Variants in ARHGAP15 observed in about 807,000 individuals in gnomAD.
ARHGAP15 encodes Rho GTPase activating protein 15, also known as rho GTPase-activating protein 15.
In ARHGAP15, 51 loss-of-function variants were observed where a neutral mutation model predicts 63.7. The ratio of observed to expected loss-of-function variants is 0.80; its 90% CI spans 0.64 to 1.01. The LOEUF (loss-of-function observed/expected upper bound fraction) is 1.01, where lower values mean the gene tolerates loss of function less well. ARHGAP15 is among the 50% of genes least tolerant of loss of function. ARHGAP15 has a pLI of 0.00. For synonymous variants in ARHGAP15, 191 were observed against 193.8 expected, an observed-to-expected ratio of 0.99 and a Z score of 0.12; for missense variants, 560 against 564.6, an observed-to-expected ratio of 0.99 and a Z score of 0.08.
At chr2:143,564,961 TA>T (rs1333153560) in intron 11 of ARHGAP15, among the ~76,000 whole-genome samples, 1 of 152,004 alleles carries the variant, frequency 6.6e-6, no homozygotes, top group Non-Finnish European at 1.5e-5. Context: ...TAGGAGCATT[TA>T]ATTGAGAATC....
intron 6 of ARHGAP15, among the ~76,000 whole-genome samples, chr2:143,288,132 G>T (rs1179195070): frequency 1.3e-5 from 2 of 152,180 alleles, no homozygotes; most frequent in African/African-American, 4.8e-5. Flanking sequence ...GGGAAAAAGT[G>T]CCATGTGATT....
At chr2:143,290,741 T>TG (rs1682354809) in intron 6 of ARHGAP15, among the ~76,000 whole-genome samples, 1 of 152,104 alleles carries the variant, frequency 6.6e-6, no homozygotes, top group African/African-American at 2.4e-5. Flanking sequence ...CTGAACTGTT[T>TG]GGGGTAATCA....
chr2:143,263,293 C>A (rs901840945), intron 6 of ARHGAP15, among the ~76,000 whole-genome samples: 1 of 152,124 alleles, frequency 6.6e-6, no homozygotes, highest in African/African-American at 2.4e-5. Flanking sequence ...TCTTAAAGAT[C>A]TGGAATGGTA....
intron 6 of ARHGAP15, among the ~76,000 whole-genome samples, chr2:143,433,448 C>T (rs1254149995): frequency 6.6e-6 from 1 of 152,086 alleles, no homozygotes; most frequent in Non-Finnish European, 1.5e-5. Flanking sequence ...TCATATAGCT[C>T]TCTGATCTAG....
At chr2:143,756,436 T>A (rs928088904) in intron 13 of ARHGAP15, among the ~76,000 whole-genome samples, 26 of 152,152 alleles carry the variant, frequency 1.7e-4, no homozygotes, top group African/African-American at 5.6e-4. Context: ...GTCTTATAAT[T>A]TTTTTATTGC....
chr2:143,429,344 G>A (rs1558965560), intron 6 of ARHGAP15, among the ~76,000 whole-genome samples: 1 of 151,152 alleles, frequency 6.6e-6, no homozygotes, highest in Non-Finnish European at 1.5e-5. Flanking sequence ...ATTTTATTAT[G>A]CAGAACAAAT....
intron 4 of ARHGAP15, among the ~76,000 whole-genome samples, chr2:143,218,848 C>T (rs1025832004): frequency 6.6e-6 from 1 of 152,064 alleles, no homozygotes; most frequent in Non-Finnish European, 1.5e-5. Context: ...GTGATTGTAA[C>T]ATAATGGTAT....
intron 2 of ARHGAP15, among the ~76,000 whole-genome samples, chr2:143,180,086 A>G (rs1182267300): frequency 6.6e-6 from 1 of 152,182 alleles, no homozygotes; most frequent in Non-Finnish European, 1.5e-5. Context: ...ATAAGTCCAC[A>G]GTGAAGTTTA....
At chr2:143,657,782 TCTCTCCCCTC>T (rs1051428731) in intron 12 of ARHGAP15, among the ~76,000 whole-genome samples, 2 of 152,226 alleles carry the variant, frequency 1.3e-5, no homozygotes, top group African/African-American at 4.8e-5. Flanking sequence ...CATGTCACAG[TCTCTCCCCTC>T]CTGATTTGAT....
chr2:143,559,493 T>G (rs1316398663), intron 11 of ARHGAP15, among the ~76,000 whole-genome samples: 1 of 152,242 alleles, frequency 6.6e-6, no homozygotes, highest in Non-Finnish European at 1.5e-5. Context: ...TATGCTACAT[T>G]AGGACCTTTG....
At chr2:143,469,995 T>C (rs1691440525) in intron 8 of ARHGAP15, among the ~76,000 whole-genome samples, 1 of 151,948 alleles carries the variant, frequency 6.6e-6, no homozygotes, top group Non-Finnish European at 1.5e-5. Context: ...AATTGTCAGA[T>C]ACAGAGAATT....
rs774975814 is a variant in ARHGAP15, at chr2:143,767,973, TTC to T, written c.1245-7_1245-6del. Reference sequence around the variant, plus strand: ...CAAACTCCAGTGAAATTATTTTTTTTTCTCTCTCTCCACAGGATAGTGGCCAA... The same window carrying T: ...CAAACTCCAGTGAAATTATTTTTTTTTCTCTCTCCACAGGATAGTGGCCAA... On this transcript the variant is annotated splice_polypyrimidine_tract_variant and intron_variant, in intron 13 of 13. Coordinates refer to ENST00000295095, the MANE Select transcript of ARHGAP15 (RefSeq NM_018460.4). 4 of 1,601,254 alleles carry T rather than the reference TTC, an allele frequency of 2.5e-6. No homozygotes were observed. Among genetic ancestry groups the T allele is most frequent in the Non-Finnish European group, 3.4e-6 (4 of 1,174,232 alleles).
At chr2:143,156,468 G>T (rs368477857) in intron 2 of ARHGAP15, among the ~76,000 whole-genome samples, 14 of 151,880 alleles carry the variant, frequency 9.2e-5, no homozygotes, top group East Asian at 5.8e-4. Flanking sequence ...GCTGGGGACA[G>T]GCTGAGTTCC....
intron 9 of ARHGAP15, among the ~76,000 whole-genome samples, chr2:143,498,190 G>A (rs1387722902): frequency 6.6e-6 from 1 of 151,986 alleles, no homozygotes; most frequent in African/African-American, 2.4e-5. Flanking sequence ...TTTTATTTCA[G>A]GGGCCCAAAT....
chr2:143,556,844 T>C (rs985562393), intron 11 of ARHGAP15, among the ~76,000 whole-genome samples: 2 of 151,808 alleles, frequency 1.3e-5, no homozygotes, highest in African/African-American at 2.4e-5. Flanking sequence ...GAATGAATGA[T>C]GGAAAATGTA....
chr2:143,240,476 T>A (rs1273015903), intron 5 of ARHGAP15, among the ~76,000 whole-genome samples: 1 of 152,154 alleles, frequency 6.6e-6, no homozygotes, highest in Non-Finnish European at 1.5e-5. Flanking sequence ...TATTGAGCCC[T>A]TATTCAGACC....
chr2:143,252,891 A>G (rs1432832176), intron 6 of ARHGAP15, among the ~76,000 whole-genome samples: 2 of 152,086 alleles, frequency 1.3e-5, no homozygotes, highest in Non-Finnish European at 2.9e-5. Context: ...CGAACTCTCA[A>G]ATGATCAGAA....
intron 6 of ARHGAP15, among the ~76,000 whole-genome samples, chr2:143,367,738 G>A (rs1686357172): frequency 6.6e-6 from 1 of 151,762 alleles, no homozygotes; most frequent in Non-Finnish European, 1.5e-5. Context: ...TGCTTCATGT[G>A]TTATTAGGAG....
chr2:143,622,983 A>G (rs954180916), intron 11 of ARHGAP15, among the ~76,000 whole-genome samples: 7 of 152,152 alleles, frequency 4.6e-5, no homozygotes, highest in African/African-American at 1.7e-4. Context: ...CGAGCCCAAG[A>G]CATCAGTAAA....
Sources: allele counts gnomAD v4.1 joint callset (sites outside exome capture counted in the v4.1 genomes callset), GRCh38; gene constraint gnomAD v4.1.1; transcripts MANE v1.5; gene names NCBI Gene and HGNC (gene_info 2026-07-23, HGNC 2026-07-21).